ARHGAP26: variants seen among roughly 807,000 people sequenced by gnomAD.
The protein encoded by ARHGAP26 is Rho GTPase activating protein 26.
Under a neutral mutation model 104.8 loss-of-function variants are expected in ARHGAP26, and 38 were observed. The ratio of observed to expected loss-of-function variants is 0.36; its 90% CI spans 0.28 to 0.48. The LOEUF (loss-of-function observed/expected upper bound fraction) is 0.48, where lower values mean the gene tolerates loss of function less well. Ranked by LOEUF, ARHGAP26 falls within the 20% of genes least tolerant of loss-of-function variation. The pLI is 0.99. For missense variants in ARHGAP26, 704 were observed against 947.9 expected, an observed-to-expected ratio of 0.74 and a Z score of 3.38; for synonymous variants, 341 against 340.0, an observed-to-expected ratio of 1.00 and a Z score of -0.03.
At chr5:142,943,597 A>G (rs1766691352) in intron 11 of ARHGAP26, among the ~76,000 whole-genome samples, 1 of 152,216 alleles carries the variant, frequency 6.6e-6, no homozygotes, top group Non-Finnish European at 1.5e-5. Flanking sequence ...TAGGTTTGCA[A>G]CACATGAAAT....
intron 4 of ARHGAP26, among the ~76,000 whole-genome samples, chr5:142,881,373 C>T (rs1408027018): frequency 6.6e-6 from 1 of 152,176 alleles, no homozygotes; most frequent in Admixed American, 6.5e-5. Flanking sequence ...TCCCTTTGGG[C>T]TTGATACCAG....
At chr5:143,160,741 A>G (rs1205757241) in intron 20 of ARHGAP26, among the ~76,000 whole-genome samples, 1 of 152,128 alleles carries the variant, frequency 6.6e-6, no homozygotes, top group Non-Finnish European at 1.5e-5. Flanking sequence ...GGCATCCCAA[A>G]GTGCTGGGAT....
intron 20 of ARHGAP26, among the ~76,000 whole-genome samples, chr5:143,183,325 G>T (rs1447730292): frequency 6.6e-6 from 1 of 152,164 alleles, no homozygotes; most frequent in African/African-American, 2.4e-5. Flanking sequence ...CTGTGAAATG[G>T]GGCTAATGGT....
At chr5:142,881,425 G>A (rs561522338) in intron 4 of ARHGAP26, among the ~76,000 whole-genome samples, 88 of 152,210 alleles carry the variant, frequency 5.8e-4, no homozygotes, top group African/African-American at 2.1e-3. Context: ...CCGGGGCGGC[G>A]GCTGGGGGGT....
intron 17 of ARHGAP26, among the ~76,000 whole-genome samples, chr5:143,088,233 A>G (rs1790884616): frequency 6.6e-6 from 1 of 152,204 alleles, no homozygotes; most frequent in Admixed American, 6.5e-5. Flanking sequence ...TTTTCTGATT[A>G]ATGTTCATCA....
At chr5:143,113,082 C>T (rs17209076) in intron 17 of ARHGAP26, among the ~76,000 whole-genome samples, 9,411 of 152,138 alleles carry the variant, frequency 0.062, 385 homozygotes, top group Middle Eastern at 0.16. Flanking sequence ...AGTCAGAAGC[C>T]TTTGGTAGAT....
chr5:142,988,426 CT>C (rs1465350138), intron 11 of ARHGAP26, among the ~76,000 whole-genome samples: 1 of 152,004 alleles, frequency 6.6e-6, no homozygotes, highest in Non-Finnish European at 1.5e-5. Context: ...GTTTTTTGAT[CT>C]TTTCAAAAAA....
rs368608251 is a variant in ARHGAP26, at chr5:142,881,771, T to C, written c.384+2326T>C. ...GACCCAGGGAGCAGTCTCAAGAACA[T>C]CTCAGAGCCAGCAAGTGCTCTTCAG... On this transcript the variant is annotated intron_variant, in intron 4 of 22. Transcript: ENST00000645722. Among the ~76,000 whole-genome samples, 13 of 152,276 alleles carry C rather than the reference T, an allele frequency of 8.5e-5. No individual in the cohort carries two copies. The East Asian group carries it at 2.3e-3, about 27-fold the overall frequency.
intron 20 of ARHGAP26, among the ~76,000 whole-genome samples, chr5:143,176,277 G>A (rs1237596419): frequency 6.6e-6 from 1 of 152,162 alleles, no homozygotes; most frequent in African/African-American, 2.4e-5. Context: ...CTGCTGCTCA[G>A]CAGACTGCAT....
intron 17 of ARHGAP26, among the ~76,000 whole-genome samples, chr5:143,092,964 G>C (rs1455095983): frequency 1.3e-5 from 2 of 152,130 alleles, no homozygotes; most frequent in Admixed American, 6.5e-5. Flanking sequence ...ACCATCTATC[G>C]TCCTGTCCTG....
chr5:143,101,622 T>C (rs1229440664), intron 17 of ARHGAP26, among the ~76,000 whole-genome samples: 2 of 152,078 alleles, frequency 1.3e-5, no homozygotes, highest in East Asian at 3.9e-4. Context: ...ATATCTTTCT[T>C]TAATTACTTT....
At chr5:143,209,843 C>T (rs925435529) in intron 21 of ARHGAP26, among the ~76,000 whole-genome samples, 11 of 151,614 alleles carry the variant, frequency 7.3e-5, no homozygotes, top group African/African-American at 2.7e-4. Context: ...TGAGCACAGA[C>T]AGCAACACTG....
At chr5:142,956,252 G>C (rs1192135401) in intron 11 of ARHGAP26, among the ~76,000 whole-genome samples, 1 of 151,974 alleles carries the variant, frequency 6.6e-6, no homozygotes, top group Non-Finnish European at 1.5e-5. Context: ...TCTTGTCTGT[G>C]TCCTGGTCTG....
At chr5:143,104,710 C>T (rs540606300) in intron 17 of ARHGAP26, among the ~76,000 whole-genome samples, 1 of 152,270 alleles carries the variant, frequency 6.6e-6, no homozygotes, top group African/African-American at 2.4e-5. Context: ...AATACCCATA[C>T]AGTGAAACAC....
intron 1 of ARHGAP26, among the ~76,000 whole-genome samples, chr5:142,864,116 C>A (rs1403378795): frequency 3.9e-5 from 6 of 152,070 alleles, no homozygotes; most frequent in Admixed American, 3.3e-4. Flanking sequence ...TAATTCACCA[C>A]CCCCTCCCCT....
Position 143,214,009 on chromosome 5 carries a change from G to A in ARHGAP26, c.2112G>A (p.Arg704=), listed in dbSNP as rs1408211161. The change falls in exon 22 of 23, where the codon CGG becomes CGA. Residue 704 remains arginine (R), a synonymous_variant. Coordinates refer to ENST00000645722, the MANE Select transcript of ARHGAP26 (RefSeq NM_001135608.3). The part of the protein sequence containing the change: ...SDSSPVSTPF[R]KAKALYACKA... Reference sequence around the variant, plus strand: ...TGTTTTCACACAGCACACCGTTCCGGAAGGCAAAAGCCTTGTATGCCTGCA... The same window carrying A: ...TGTTTTCACACAGCACACCGTTCCGAAAGGCAAAAGCCTTGTATGCCTGCA... The A allele has an allele frequency of 6.3e-7, 1 of 1,589,224 alleles. No homozygotes were observed. Among genetic ancestry groups the A allele is most frequent in the Non-Finnish European group, 8.6e-7 (1 of 1,162,734 alleles).
intron 17 of ARHGAP26, among the ~76,000 whole-genome samples, chr5:143,068,745 A>G (rs994368883): frequency 6.6e-6 from 1 of 152,214 alleles, no homozygotes; most frequent in Non-Finnish European, 1.5e-5. Flanking sequence ...TGCTTTTCCC[A>G]GAAGAACTCA....
chr5:142,824,150 G>T (rs572224014), intron 1 of ARHGAP26, among the ~76,000 whole-genome samples: 8 of 152,296 alleles, frequency 5.3e-5, no homozygotes, highest in African/African-American at 1.9e-4. Context: ...GTGTGTGTGT[G>T]TGTACATTTG....
At chr5:142,800,840 A>G (rs1428811339) in intron 1 of ARHGAP26, among the ~76,000 whole-genome samples, 1 of 152,206 alleles carries the variant, frequency 6.6e-6, no homozygotes, top group Non-Finnish European at 1.5e-5. Context: ...GGAAGGTCTT[A>G]GAATCAGGGT....
Sources: allele counts gnomAD v4.1 joint callset (sites outside exome capture counted in the v4.1 genomes callset), GRCh38; gene constraint gnomAD v4.1.1; transcripts MANE v1.5; gene names NCBI Gene and HGNC (gene_info 2026-07-23, HGNC 2026-07-21).